The following WDR49 variants were observed in gnomAD, a reference collection of about 807,000 sequenced individuals.
The protein encoded by WDR49 is WD repeat domain 49, also known as cilia- and flagella-associated protein 337.
A neutral mutation model predicts 119.5 loss-of-function variants in WDR49; 107 were observed. That is an observed-to-expected ratio of 0.90 (90% CI 0.77 to 1.05). WDR49 has a LOEUF of 1.05. Ranked by LOEUF, WDR49 falls within the 50% of genes least tolerant of loss-of-function variation. WDR49 has a pLI of 0.00. For missense variants in WDR49, 1,240 were observed against 1,220.5 expected (o/e 1.02, Z -0.24); for synonymous variants, 425 against 418.8 (o/e 1.01, Z -0.18).
chr3:167,643,987 A>G (rs1577297984), intron 2 of WDR49, among the ~76,000 whole-genome samples: 1 of 151,866 alleles, frequency 6.6e-6, no homozygotes, highest in South Asian at 2.1e-4. Flanking sequence ...TGGCTACCAG[A>G]TCATGTTGGA....
intron 18 of WDR49, 146 bp from the exon 19 acceptor site, chr3:167,479,142 C>T (rs542915661): frequency 3.2e-6 from 2 of 622,952 alleles, no homozygotes; most frequent in Non-Finnish European, 5.4e-6. Context: ...AAAATTTTCT[C>T]TAAGCTTCTG....
intron 18 of WDR49, among the ~76,000 whole-genome samples, chr3:167,494,132 A>G (rs1048909847): frequency 6.6e-6 from 1 of 152,222 alleles, no homozygotes; most frequent in African/African-American, 2.4e-5. Context: ...ATTAACCCAC[A>G]TAACTCCAAG....
chr3:167,538,061 A>G lies in WDR49; in HGVS notation c.1824-1061T>C, dbSNP rs1267759662. Among the ~76,000 whole-genome samples, 3 of 152,062 alleles carry G rather than the reference A, an allele frequency of 2.0e-5. No individual in the cohort carries two copies. The East Asian group carries it at 5.8e-4, about 29-fold the overall frequency. On this transcript the variant is annotated intron_variant, in intron 10 of 18. Coordinates refer to ENST00000682715, the MANE Select transcript of WDR49 (RefSeq NM_001366157.1). Reference sequence around the variant, plus strand: ...TTTTAACATGTGGTATATATACACAATGGAACATTCCTTATCTTCATTCCT... The same window carrying G: ...TTTTAACATGTGGTATATATACACAGTGGAACATTCCTTATCTTCATTCCT...
intron 7 of WDR49, among the ~76,000 whole-genome samples, chr3:167,578,822 T>C (rs1377855437): frequency 1.3e-5 from 2 of 152,174 alleles, no homozygotes; most frequent in African/African-American, 4.8e-5. Context: ...GATGTCTTAA[T>C]TGAGCAAAAT....
chr3:167,554,323 C>G (rs1021523684), intron 10 of WDR49, among the ~76,000 whole-genome samples: 1 of 152,072 alleles, frequency 6.6e-6, no homozygotes, highest in African/African-American at 2.4e-5. Context: ...GTTTCCTTTA[C>G]AGTTGAAGGA....
chr3:167,596,744 T>G (rs1715472404), intron 7 of WDR49, among the ~76,000 whole-genome samples: 1 of 131,276 alleles, frequency 7.6e-6, no homozygotes, highest in African/African-American at 2.8e-5. Flanking sequence ...GGGGGAGGGA[T>G]AGCACTGGGA....
chr3:167,600,712 C>T (rs80074317), intron 7 of WDR49, among the ~76,000 whole-genome samples: 1,696 of 152,232 alleles, frequency 0.011, 34 homozygotes, highest in East Asian at 0.089. Flanking sequence ...GAAACACCTA[C>T]GTCTGCATAA....
chr3:167,554,576 A>T, intron 10 of WDR49, 74 bp downstream of exon 10: 1 of 965,338 alleles, frequency 1.0e-6, no homozygotes, highest in Non-Finnish European at 1.5e-6. Flanking sequence ...TTTTAATGAC[A>T]CAGAGTCAAC....
chr3:167,581,090 T>C (rs1714506438), intron 7 of WDR49, among the ~76,000 whole-genome samples: 1 of 152,180 alleles, frequency 6.6e-6, no homozygotes, highest in South Asian at 2.1e-4. Flanking sequence ...CTGTATTTCA[T>C]CTTCACTTGT....
chr3:167,536,136 G>A (rs1390573270), intron 11 of WDR49, among the ~76,000 whole-genome samples: 1 of 152,008 alleles, frequency 6.6e-6, no homozygotes, highest in Non-Finnish European at 1.5e-5. Flanking sequence ...TATATGGGAG[G>A]AATGAGTTTT....
chr3:167,515,886 C>A (rs750608747), intron 16 of WDR49, among the ~76,000 whole-genome samples: 1 of 152,048 alleles, frequency 6.6e-6, no homozygotes, highest in African/African-American at 2.4e-5. Context: ...CATTAACAAT[C>A]GCTACAGAGA....
At chr3:167,628,489 A>G (rs1717228961) in intron 2 of WDR49, among the ~76,000 whole-genome samples, 1 of 152,160 alleles carries the variant, frequency 6.6e-6, no homozygotes, top group African/African-American at 2.4e-5. Context: ...GTCTGGATAG[A>G]AGATCAAACC....
chr3:167,523,643 G>C (rs1394206811), intron 15 of WDR49, among the ~76,000 whole-genome samples: 4 of 152,016 alleles, frequency 2.6e-5, no homozygotes, highest in Admixed American at 2.6e-4. Flanking sequence ...GAGAACATGT[G>C]GTGTTTGGTT....
Position 167,626,875 on chromosome 3 carries a change from C to T in WDR49, c.583G>A (p.Val195Ile), listed in dbSNP as rs79283975. 9.5e-3 allele frequency: 11,915 copies of T among 1,250,050 alleles called. 469 individuals are homozygous for T. In the African/African-American group the frequency reaches 0.1, roughly 11 times the overall value. 77.4% of individuals were successfully genotyped at this position (1,250,050 alleles called of 1,614,324 possible). Residue 195 changes from valine (V) to isoleucine (I), a missense_variant, in exon 3 of 19, where the codon GTT (valine) becomes ATT (isoleucine). Physicochemically the swap from Val to Ile is conservative, Grantham distance 29. Coordinates refer to ENST00000682715, the MANE Select transcript of WDR49 (RefSeq NM_001366157.1). ...KLKHLWVTSL[V>I]SLENVNKIAV... is the part of the protein sequence containing the mutation. ...ACCTTGTTTACATTTTCCAGAGAAA[C>T]CAGACTTGTCACCCACAGGTGTTTG... is the stretch of plus-strand genomic sequence containing the variant.
At chr3:167,629,483 T>G (rs1334909522) in intron 2 of WDR49, among the ~76,000 whole-genome samples, 6 of 152,120 alleles carry the variant, frequency 3.9e-5, no homozygotes, top group Non-Finnish European at 8.8e-5. Flanking sequence ...TTTTTATGCC[T>G]GCTAACACAG....
At chr3:167,541,794 TATC>T (rs1711852223) in intron 10 of WDR49, among the ~76,000 whole-genome samples, 2 of 152,150 alleles carry the variant, frequency 1.3e-5, no homozygotes, top group African/African-American at 4.8e-5. Context: ...AAGTATCTGC[TATC>T]TGCAAGAGAC....
intron 3 of WDR49, among the ~76,000 whole-genome samples, chr3:167,624,297 G>T (rs367694017): frequency 6.0e-4 from 91 of 150,700 alleles, no homozygotes; most frequent in African/African-American, 2.2e-3. Context: ...AAAAAAACTA[G>T]TAGTATACCT....
chr3:167,565,772 T>C (rs1194668188), intron 8 of WDR49, among the ~76,000 whole-genome samples: 1 of 152,020 alleles, frequency 6.6e-6, no homozygotes, highest in Non-Finnish European at 1.5e-5. Context: ...CTGCGGTCAG[T>C]GCACAGAGAT....
intron 11 of WDR49, among the ~76,000 whole-genome samples, chr3:167,533,232 G>A (rs1752912393): frequency 6.6e-6 from 1 of 152,098 alleles, no homozygotes; most frequent in Non-Finnish European, 1.5e-5. Flanking sequence ...TGGTAATAAA[G>A]CATTCAGAAC....
Sources: allele counts gnomAD v4.1 joint callset (sites outside exome capture counted in the v4.1 genomes callset), GRCh38; gene constraint gnomAD v4.1.1; transcripts MANE v1.5; gene names NCBI Gene and HGNC (gene_info 2026-07-23, HGNC 2026-07-21).